Variants in FANCD2 observed in about 807,000 individuals in gnomAD.
FANCD2 encodes the protein Fanconi anemia group D2 protein.
FANCD2 carries 131 observed loss-of-function variants against 192.3 expected under a neutral mutation model. The ratio of observed to expected loss-of-function variants is 0.68; its 90% CI spans 0.59 to 0.79. FANCD2 has a LOEUF of 0.79. Ranked by LOEUF, FANCD2 falls within the 30% of genes least tolerant of loss-of-function variation. FANCD2 has a pLI of 0.00. For synonymous variants in FANCD2, 524 were observed against 612.5 expected, an observed-to-expected ratio of 0.86 and a Z score of 2.13; for missense variants, 1,508 against 1,701.6, an observed-to-expected ratio of 0.89 and a Z score of 2.00.
At chr3:10,050,853 G>A (rs138283015) in intron 17 of FANCD2, among the ~76,000 whole-genome samples, 30,026 of 151,672 alleles carry the variant, frequency 0.2, 3,575 homozygotes, top group African/African-American at 0.33. Flanking sequence ...TTGGGAGGCC[G>A]AGGCGGACGG....
chr3:10,054,368 CGT>C (rs35821330), intron 18 of FANCD2, among the ~76,000 whole-genome samples: 19,137 of 105,324 alleles, frequency 0.18, 2,196 homozygotes, highest in African/African-American at 0.38. Context: ...TATATATATA[CGT>C]GTATATACAT....
At chr3:10,067,984 T>TA (rs374213142) in intron 26 of FANCD2, among the ~76,000 whole-genome samples, 1 of 152,118 alleles carries the variant, frequency 6.6e-6, no homozygotes, top group South Asian at 2.1e-4. Context: ...CCTTTCATCA[T>TA]AAAAAACCCT....
At chr3:10,078,342 A>G (rs1693643436) in intron 30 of FANCD2, 145 bp downstream of exon 30, 5 of 661,814 alleles carry the variant, frequency 7.6e-6, no homozygotes, top group Non-Finnish European at 1.4e-5. Context: ...GACAATATTC[A>G]TCTTGCTTTA....
chr3:10,031,613 CTTGT>C (rs755018272), intron 2 of FANCD2, among the ~76,000 whole-genome samples: 41 of 151,584 alleles, frequency 2.7e-4, no homozygotes, highest in Non-Finnish European at 5.4e-4. Context: ...CTGTTTGTTT[CTTGT>C]TTCTTATTTC....
Position 10,096,393 on chromosome 3 carries a change from G to C in FANCD2, c.4106G>C (p.Cys1369Ser). The C allele has an allele frequency of 6.2e-7, 1 of 1,614,048 alleles. No homozygotes were observed. The highest frequency in any genetic ancestry group is 1.7e-5 in the Admixed American group (1 of 60,004). ...AAAAAGACCCTGGAACTTTTAGTTT[G>C]CAGAGTCAAAGCTATGCTCACTCTC... The part of the protein sequence containing the change: ...LLKKTLELLV[C>S]RVKAMLTLNN... Residue 1369 changes from cysteine (C) to serine (S), a missense_variant, in exon 42 of 44, where the codon TGC becomes TCC. By Grantham distance (112) the Cys-to-Ser change is moderately radical. Around this residue, in one of 5 missense-constraint regions of FANCD2, gnomAD observed 796 missense variants for 879.4 expected, o/e 0.91. Transcript: ENST00000675286.
chr3:10,031,365 T>A (rs575102971), intron 2 of FANCD2, among the ~76,000 whole-genome samples: 224 of 152,098 alleles, frequency 1.5e-3, no homozygotes, highest in Non-Finnish European at 2.9e-3. Flanking sequence ...TAGCCGGGCG[T>A]GGTGGTGTGC....
Position 10,096,477 on chromosome 3 carries a change from G to A in FANCD2, c.4185+5G>A. ...CTAAAAAACCGGGACTTGCAGGTAAGCCTTGGATCCTGCTAGTGATAATCC... is the reference window on the plus strand; with the variant it reads ...CTAAAAAACCGGGACTTGCAGGTAAACCTTGGATCCTGCTAGTGATAATCC... On this transcript the variant is annotated splice_donor_5th_base_variant and intron_variant, in intron 42 of 43. Coordinates refer to ENST00000675286, the MANE Select transcript of FANCD2 (RefSeq NM_001018115.3). 6.2e-7 allele frequency: 1 copy of A among 1,613,754 alleles called. No homozygotes were observed. Among genetic ancestry groups the A allele is most frequent in the Non-Finnish European group, 8.5e-7 (1 of 1,179,690 alleles).
chr3:10,026,955 A>C (rs1442149198), intron 1 of FANCD2, among the ~76,000 whole-genome samples: 1 of 147,644 alleles, frequency 6.8e-6, no homozygotes, highest in Non-Finnish European at 1.5e-5. Context: ...TAGGTGGTGA[A>C]GAGCGCAGGT....
intron 1 of FANCD2, among the ~76,000 whole-genome samples, chr3:10,028,369 C>G (rs578068585): frequency 6.6e-6 from 1 of 152,240 alleles, no homozygotes; most frequent in South Asian, 2.1e-4. Context: ...TCTTGAATCT[C>G]AGATGGAGAG....
In FANCD2 at chr3:10,095,025, G is replaced by T. The variant is rs1694869037; in HGVS notation, c.3964-175G>T. On this transcript the variant is annotated intron_variant, in intron 40 of 43. Transcript: ENST00000675286. The stretch of plus-strand genomic sequence containing the variant: ...TACAAGGGACAGAAATGGGAGAGTT[G>T]AGAATAAGAGGTAGCTGCTATTCCT... 1.2e-5 allele frequency: 8 copies of T among 644,462 alleles called. No individual in the cohort carries two copies. The South Asian group carries it at 1.4e-4, about 11-fold the overall frequency. 39.9% of individuals were successfully genotyped at this position (644,462 alleles called of 1,614,324 possible). A position where few individuals can be genotyped will look rare whatever the true frequency, so the allele number is the denominator to read the frequency against.
chr3:10,052,438 T>G lies in FANCD2; in HGVS notation c.1597T>G (p.Phe533Val). 1 of 1,613,206 alleles carries G rather than the reference T, an allele frequency of 6.2e-7. No homozygotes were observed. Among genetic ancestry groups the G allele is most frequent in the Middle Eastern group, 1.9e-4 (1 of 5,320 alleles). Residue 533 changes from phenylalanine to valine, a missense_variant, in exon 18 of 44, where the codon TTC becomes GTC. Phe to Val is a conservative substitution (Grantham distance 50, BLOSUM62 -1). Around this residue, in one of 5 missense-constraint regions of FANCD2, gnomAD observed 110 missense variants for 114.4 expected, o/e 0.96. Transcript: ENST00000675286. Reference protein sequence around the residue: ...NISPQQIRKLFYVLSTLAFSK... With the variant: ...NISPQQIRKLVYVLSTLAFSK... ...ATCCCCTCAGCAAATACGAAAACTCTTCTATGTTCTCAGCACACTGGCATT... is the reference window on the plus strand; with the variant it reads ...ATCCCCTCAGCAAATACGAAAACTCGTCTATGTTCTCAGCACACTGGCATT...
chr3:10,042,508 T>C lies in FANCD2; in HGVS notation c.784-51T>C, dbSNP rs768627472. 2.3e-5 allele frequency: 30 copies of C among 1,306,240 alleles called. No individual in the cohort carries two copies. In the Admixed American group the frequency reaches 2.3e-4, roughly 10 times the overall value. The allele number at this position is 1,306,240 out of a possible 1,614,324, so 80.9% of individuals were successfully genotyped here. A position where few individuals can be genotyped will look rare whatever the true frequency, so the allele number is the denominator to read the frequency against. On this transcript the variant is annotated intron_variant, in intron 10 of 43. Coordinates refer to ENST00000675286, the MANE Select transcript of FANCD2 (RefSeq NM_001018115.3). The stretch of plus-strand genomic sequence containing the variant: ...TTTTATCTAACAGTTCAGTACAAAG[T>C]TGAGGTAGTGACATGAAAACCTATT...
At position 10,100,984 on chromosome 3, in the gene FANCD2, G is replaced by A. The variant is rs372352101; in HGVS notation, c.4282-204G>A. Among the ~76,000 whole-genome samples the A allele has an allele frequency of 5.3e-5, 8 of 152,014 alleles. No homozygotes were observed. In the South Asian group the frequency reaches 8.3e-4, roughly 16 times the overall value. On this transcript the variant is annotated intron_variant, in intron 43 of 43. Coordinates refer to ENST00000675286, the MANE Select transcript of FANCD2 (RefSeq NM_001018115.3). ...CTTGGGAGGCTGAGGCAGGGGAATC[G>A]CTTGAACCCGGGAGGCAGAGGTTGC...
At chr3:10,037,366 G>A (rs964543892) in intron 7 of FANCD2, among the ~76,000 whole-genome samples, 3 of 152,170 alleles carry the variant, frequency 2.0e-5, no homozygotes, top group African/African-American at 7.2e-5. Flanking sequence ...CTTGTTGAGT[G>A]TAGTGAATAG....
Position 10,036,298 on chromosome 3 carries a change from C to A in FANCD2, c.450C>A (p.Ile150=). The A allele has an allele frequency of 6.2e-7, 1 of 1,612,406 alleles. No individual in the cohort carries two copies. Among genetic ancestry groups the A allele is most frequent in the South Asian group, 1.1e-5 (1 of 91,026 alleles). The change falls in exon 7 of 44, where the codon ATC becomes ATA. Residue 150 remains isoleucine (I), a synonymous_variant. Transcript: ENST00000675286. ...LGIDILQPAI[I]KTLFEKLPEY... ...GTCTTCTTTTTTAGCCTGCCATTAT[C>A]AAAACCTTATTTGAGAAGTTGCCAG...
intron 14 of FANCD2, among the ~76,000 whole-genome samples, chr3:10,046,243 C>T (rs1261507390): frequency 8.6e-5 from 13 of 151,682 alleles, no homozygotes; most frequent in South Asian, 8.4e-4. Context: ...TTAGTAGAGA[C>T]GGGGTTTCAC....
Position 10,101,706 on chromosome 3 carries a change from C to A in FANCD2, c.*444C>A, listed in dbSNP as rs536186201. ...CCATATTTTGTTCTTAAAGTGGGGT[C>A]TTTATTAACTTGTGGACATCATGGA... On this transcript the variant is annotated 3_prime_UTR_variant, in exon 44 of 44. Coordinates refer to ENST00000675286, the MANE Select transcript of FANCD2 (RefSeq NM_001018115.3). The A allele has an allele frequency of 3.7e-6, 1 of 266,850 alleles. No homozygotes were observed. The highest frequency in any genetic ancestry group is 6.3e-5 in the South Asian group (1 of 15,934). 16.5% of individuals were successfully genotyped at this position (266,850 alleles called of 1,614,324 possible).
In FANCD2 at chr3:10,047,914, A is replaced by T. The variant is rs1354341272; in HGVS notation, c.1279-3A>T. On this transcript the variant is annotated splice_polypyrimidine_tract_variant and splice_region_variant and intron_variant, in intron 15 of 43. Transcript: ENST00000675286. ...TTTCTCTCTCTACTCTTCCCCACTC[A>T]AGGTTCTTAAGGATATGTGTTCATC... is the stretch of plus-strand genomic sequence containing the variant. 2.5e-6 allele frequency: 4 copies of T among 1,612,494 alleles called. No individual in the cohort carries two copies. The highest frequency in any genetic ancestry group is 8.5e-7 in the Non-Finnish European group (1 of 1,180,042).
chr3:10,045,101 T>TTTTTTTTTTTTTCC (rs397948524), intron 14 of FANCD2, among the ~76,000 whole-genome samples: 7 of 149,176 alleles, frequency 4.7e-5, no homozygotes, highest in African/African-American at 1.8e-4. Context: ...TTTTTTTTTT[T>TTTTTTTTTTTTTCC]CCTGGAAGCA....
Sources: allele counts gnomAD v4.1 joint callset (sites outside exome capture counted in the v4.1 genomes callset), GRCh38; gene constraint gnomAD v4.1.1; regional missense constraint gnomAD v4.1.1; transcripts MANE v1.5; gene names NCBI Gene and HGNC (gene_info 2026-07-23, HGNC 2026-07-21).